Variants in NR6A1 observed in about 807,000 individuals in gnomAD.
NR6A1 encodes the protein nuclear receptor subfamily 6 group A member 1, also known as retinoic acid receptor-related testis-associated receptor.
NR6A1 carries 7 observed loss-of-function variants against 59.1 expected under a neutral mutation model. The ratio of observed to expected loss-of-function variants is 0.12; its 90% CI spans 0.07 to 0.22. The LOEUF (loss-of-function observed/expected upper bound fraction) is 0.22, where lower values mean the gene tolerates loss of function less well. NR6A1 is among the 10% of genes least tolerant of loss of function. The pLI, the probability that NR6A1 is intolerant of heterozygous loss-of-function variation, is 1.00. For missense variants in NR6A1, 468 were observed against 611.6 expected (o/e 0.77, Z 2.48); for synonymous variants, 243 against 236.1 (o/e 1.03, Z -0.27).
chr9:124,631,348 T>TA (rs1231917139), intron 2 of NR6A1, among the ~76,000 whole-genome samples: 2 of 152,224 alleles, frequency 1.3e-5, no homozygotes, highest in African/African-American at 4.8e-5. Flanking sequence ...AATATTAAGA[T>TA]ACAAGGATCA....
intron 2 of NR6A1, among the ~76,000 whole-genome samples, chr9:124,641,642 A>G (rs1836769594): frequency 6.6e-6 from 1 of 152,192 alleles, no homozygotes; most frequent in African/African-American, 2.4e-5. Context: ...GGCTGCAGTG[A>G]GCTATGACTG....
At chr9:124,560,010 C>T (rs547589723) in intron 2 of NR6A1, among the ~76,000 whole-genome samples, 1 of 152,292 alleles carries the variant, frequency 6.6e-6, no homozygotes, top group African/African-American at 2.4e-5. Context: ...TGTGGCATGC[C>T]ACACATTTTA....
At chr9:124,676,318 T>C (rs1306219377) in intron 2 of NR6A1, among the ~76,000 whole-genome samples, 3 of 152,154 alleles carry the variant, frequency 2.0e-5, no homozygotes, top group Non-Finnish European at 4.4e-5. Context: ...AATTAAACAT[T>C]ATGAGCTTTG....
intron 2 of NR6A1, among the ~76,000 whole-genome samples, chr9:124,718,971 C>T (rs964425829): frequency 3.3e-5 from 5 of 151,832 alleles, no homozygotes; most frequent in South Asian, 2.1e-4. Flanking sequence ...TGCACCAGCA[C>T]GCCTGGTTAT....
intron 2 of NR6A1, among the ~76,000 whole-genome samples, chr9:124,608,940 T>G (rs1173418245): frequency 6.6e-6 from 1 of 152,244 alleles, no homozygotes; most frequent in Non-Finnish European, 1.5e-5. Flanking sequence ...CATAAATGTC[T>G]TATTTTGAGA....
chr9:124,567,524 G>C (rs1181455234), intron 2 of NR6A1, among the ~76,000 whole-genome samples: 1 of 152,156 alleles, frequency 6.6e-6, no homozygotes, highest in Non-Finnish European at 1.5e-5. Flanking sequence ...AGTACTTAGG[G>C]GAGGCAGGAG....
rs759173687 is a variant in NR6A1, at chr9:124,522,681, C to T, written c.*24G>A. 1.3e-6 allele frequency: 2 copies of T among 1,550,304 alleles called. No homozygotes were observed. Among genetic ancestry groups the T allele is most frequent in the Non-Finnish European group, 1.7e-6 (2 of 1,146,112 alleles). ...TGCCCACCCAAGACGCTGTGGTTGG[C>T]CTGAGGAGGGCGCCTGGAACAGGTC... On this transcript the variant is annotated 3_prime_UTR_variant, in exon 10 of 10. Transcript: ENST00000487099.
At chr9:124,613,589 A>G (rs1412305968) in intron 2 of NR6A1, among the ~76,000 whole-genome samples, 1 of 152,172 alleles carries the variant, frequency 6.6e-6, no homozygotes, top group Non-Finnish European at 1.5e-5. Flanking sequence ...TGAGCCTGGG[A>G]GGTTGAGGCT....
At chr9:124,661,345 T>C (rs1837425675) in intron 2 of NR6A1, among the ~76,000 whole-genome samples, 1 of 152,180 alleles carries the variant, frequency 6.6e-6, no homozygotes, top group African/African-American at 2.4e-5. Context: ...AAACAGTACA[T>C]GGATTCTTGT....
At chr9:124,630,210 GTTTTTTTTTTTT>G (rs71372979) in intron 2 of NR6A1, among the ~76,000 whole-genome samples, 1 of 95,360 alleles carries the variant, frequency 1.0e-5, no homozygotes, top group South Asian at 3.7e-4. Context: ...CTCCAAATCA[GTTTTTTTTTTTT>G]TTTTTTTTTT....
intron 2 of NR6A1, among the ~76,000 whole-genome samples, chr9:124,663,647 T>C (rs967282981): frequency 6.6e-6 from 1 of 152,152 alleles, no homozygotes; most frequent in African/African-American, 2.4e-5. Flanking sequence ...GTTCTGTTCA[T>C]CGTCTGAGAC....
rs537923029 is a variant in NR6A1 at position 124,733,693 on chromosome 9, C to T, written c.101-344G>A. ...CAATGTCCGTTGGAATAAAAATTCA[C>T]AGGAAAATTACAATTCATTTAATAC... On this transcript the variant is annotated intron_variant, in intron 1 of 9. Transcript: ENST00000487099. 2.3e-4 allele frequency among the ~76,000 whole-genome samples: 35 copies of T among 152,302 alleles called. 1 individual carries two copies. In the South Asian group the frequency reaches 4.8e-3, roughly 21 times the overall value.
intron 2 of NR6A1, among the ~76,000 whole-genome samples, chr9:124,657,884 C>G (rs190189196): frequency 6.6e-6 from 1 of 152,286 alleles, no homozygotes; most frequent in East Asian, 1.9e-4. Context: ...GTCCATCTAT[C>G]CAATTTTCAT....
At chr9:124,529,849 TGTTCTTGGGAGTGGGAAAAAAA>T in intron 7 of NR6A1, among the ~76,000 whole-genome samples, 1 of 152,110 alleles carries the variant, frequency 6.6e-6, no homozygotes, top group South Asian at 2.1e-4. Flanking sequence ...TGGATATTTA[TGTTCTTGGGAGTGGGAAAAAAA>T]GTTCTTTACT....
At chr9:124,579,289 C>A (rs1470163601) in intron 2 of NR6A1, among the ~76,000 whole-genome samples, 1 of 149,332 alleles carries the variant, frequency 6.7e-6, no homozygotes, top group Non-Finnish European at 1.5e-5. Context: ...TGGTGGCATG[C>A]ACCTGTGGTC....
chr9:124,636,940 CA>C lies in NR6A1; in HGVS notation c.143-82371del, dbSNP rs539460380. Among the ~76,000 whole-genome samples the C allele has an allele frequency of 8.4e-3, 1,278 of 151,576 alleles. 30 individuals carry two copies. The highest frequency in any genetic ancestry group is 0.029 in the African/African-American group (1,200 of 41,346). On this transcript the variant is annotated intron_variant, in intron 2 of 9. Coordinates refer to ENST00000487099, the MANE Select transcript of NR6A1 (RefSeq NM_033334.4). ...AATGTACTCTGCTGACACAGAATTA[CA>C]AAAAAAACACTAAGACAGGGTCACT...
intron 2 of NR6A1, among the ~76,000 whole-genome samples, chr9:124,606,584 T>C (rs938278975): frequency 1.3e-5 from 2 of 152,222 alleles, no homozygotes; most frequent in African/African-American, 2.4e-5. Flanking sequence ...CTATACAACA[T>C]GCATTAATTT....
Position 124,567,021 on chromosome 9 carries a change from T to G in NR6A1, c.143-12451A>C, listed in dbSNP as rs935643742. The stretch of plus-strand genomic sequence containing the variant: ...TACTTGGGAGGCTGAGGCAGGAGAA[T>G]GGCGTGAACCCGGGAGGCGGAGCTT... On this transcript the variant is annotated intron_variant, in intron 2 of 9. Transcript: ENST00000487099. Among the ~76,000 whole-genome samples, 14 of 148,900 alleles carry G rather than the reference T, an allele frequency of 9.4e-5. 1 individual carries two copies. The highest frequency in any genetic ancestry group is 2.5e-5 in the African/African-American group (1 of 40,480).
At chr9:124,757,666 C>T (rs1840671742) in intron 1 of NR6A1, among the ~76,000 whole-genome samples, 1 of 152,176 alleles carries the variant, frequency 6.6e-6, no homozygotes, top group Non-Finnish European at 1.5e-5. Flanking sequence ...CAAGCACAGA[C>T]AGACCCTCAG....
Sources: gnomAD v4.1 joint callset for allele counts (sites outside exome capture counted in the v4.1 genomes callset) on GRCh38, gnomAD v4.1.1 for gene constraint, MANE v1.5 for transcripts, NCBI Gene and HGNC (gene_info 2026-07-23, HGNC 2026-07-21) for gene names.